ANKAR: variants seen among roughly 807,000 people sequenced by gnomAD.
ANKAR encodes ankyrin and armadillo repeat-containing protein.
A neutral mutation model predicts 146.2 loss-of-function variants in ANKAR; 136 were observed. The observed-to-expected ratio is 0.93, with a 90% CI of 0.81 to 1.07. The LOEUF (loss-of-function observed/expected upper bound fraction) is 1.07, where lower values mean the gene tolerates loss of function less well. Among genes scored for constraint, ANKAR ranks in the 50% least tolerant of loss-of-function variants. The pLI is 0.00. For synonymous variants in ANKAR, 500 were observed against 575.8 expected (o/e 0.87, Z 1.88); for missense variants, 1,567 against 1,679.9 (o/e 0.93, Z 1.18).
intron 8 of ANKAR, among the ~76,000 whole-genome samples, chr2:189,706,148 CA>C (rs1248465475): frequency 6.6e-6 from 1 of 151,916 alleles, no homozygotes; most frequent in Non-Finnish European, 1.5e-5. Context: ...GTAATTCCAG[CA>C]CTTTGGGAGG....
chr2:189,732,436 C>T lies in ANKAR; in HGVS notation c.3301-671C>T, dbSNP rs75649511. ...CAGCACTTTAGGAGGACAAAGCAGG[C>T]GGATCATGAGGTCAGGAGTTCGAGG... On this transcript the variant is annotated intron_variant, in intron 16 of 22. Coordinates refer to ENST00000684021, the MANE Select transcript of ANKAR (RefSeq NM_001378068.1). 5.3e-5 allele frequency among the ~76,000 whole-genome samples: 8 copies of T among 152,062 alleles called. No homozygotes were observed. In the East Asian group the frequency reaches 5.8e-4, roughly 11 times the overall value.
At chr2:189,705,481 G>A (rs1413730515) in intron 8 of ANKAR, among the ~76,000 whole-genome samples, 1 of 152,172 alleles carries the variant, frequency 6.6e-6, no homozygotes, top group African/African-American at 2.4e-5. Context: ...ACCTATGCAT[G>A]TTTTCTGGAA....
At chr2:189,705,918 G>A (rs2038868984) in intron 8 of ANKAR, among the ~76,000 whole-genome samples, 1 of 151,904 alleles carries the variant, frequency 6.6e-6, no homozygotes, top group Admixed American at 6.6e-5. Flanking sequence ...TTTCATTCAA[G>A]TTTTTCTAGG....
At chr2:189,750,596 T>C (rs1010244113), downstream of ANKAR, 5 of 1,584,096 alleles carry the variant, frequency 3.2e-6, no homozygotes, top group Non-Finnish European at 3.4e-6. Flanking sequence ...CCATTTTTAA[T>C]TGTGGTACTT....
intron 2 of ANKAR, among the ~76,000 whole-genome samples, chr2:189,683,819 A>G (rs2035113797): frequency 6.6e-6 from 1 of 152,248 alleles, no homozygotes; most frequent in Non-Finnish European, 1.5e-5. Flanking sequence ...GCTACAGTGG[A>G]TTTCCAAGGA....
At chr2:189,680,683 G>A (rs946360099) in intron 2 of ANKAR, among the ~76,000 whole-genome samples, 7 of 151,904 alleles carry the variant, frequency 4.6e-5, no homozygotes, top group Non-Finnish European at 1.0e-4. Flanking sequence ...TGATTTCATT[G>A]TTGACCCAAA....
rs180966522 is a variant in ANKAR at position 189,732,604 on chromosome 2, T to C, written c.3301-503T>C. Among the ~76,000 whole-genome samples, 903 of 134,164 alleles carry C rather than the reference T, an allele frequency of 6.7e-3. 17 individuals are homozygous for C. The highest frequency in any genetic ancestry group is 0.024 in the African/African-American group (841 of 34,880). The allele number at this position is 134,164 out of a possible 152,430, so 88.0% of individuals were successfully genotyped here. On this transcript the variant is annotated intron_variant, in intron 16 of 22. Transcript: ENST00000684021. ...TGAACCCAGGAGGTGGAGGTTGCAG[T>C]GAGCTAAGATCATGCCATTGTACTC...
chr2:189,753,068 A>G (rs2045531223), intron 18 of ANKAR: 2 of 1,201,148 alleles, frequency 1.7e-6, no homozygotes, highest in Non-Finnish European at 2.3e-6. Context: ...TCAGCATTAA[A>G]CAATAATAAA....
chr2:189,737,091 GA>G (rs1244536937), intron 17 of ANKAR, among the ~76,000 whole-genome samples: 2 of 137,918 alleles, frequency 1.5e-5, no homozygotes, highest in East Asian at 2.1e-4. Context: ...AAAAGAAAAA[GA>G]AAAAAAAAGA....
At chr2:189,682,349 A>AT (rs2034846322) in intron 2 of ANKAR, among the ~76,000 whole-genome samples, 1 of 152,070 alleles carries the variant, frequency 6.6e-6, no homozygotes, top group Non-Finnish European at 1.5e-5. Flanking sequence ...TAGTAGAAAT[A>AT]TTTTTTTCTC....
intron 2 of ANKAR, among the ~76,000 whole-genome samples, chr2:189,683,166 C>T (rs2105759861): frequency 6.6e-6 from 1 of 152,316 alleles, no homozygotes; most frequent in Admixed American, 6.5e-5. Context: ...TCTTGGATAT[C>T]CCAGCCTTTA....
rs1385877802 is a variant in ANKAR at position 189,743,455 on chromosome 2, G to A, written c.3991G>A (p.Val1331Met). The change falls in exon 21 of 23, where the codon GTG (valine) becomes ATG (methionine). Residue 1331 changes from valine to methionine, a missense_variant. Coordinates refer to ENST00000684021, the MANE Select transcript of ANKAR (RefSeq NM_001378068.1). ...GGAATTTCAAATGCAACAAACACTG[G>A]TGGGACTTCCTTCCTTAAGGTATGG... is the stretch of plus-strand genomic sequence containing the variant. The part of the protein sequence containing the change: ...LKEFQMQQTL[V>M]GLPSLSLEKN... The A allele has an allele frequency of 6.2e-7, 1 of 1,613,630 alleles. No individual in the cohort carries two copies. The highest frequency in any genetic ancestry group is 1.7e-4 in the Middle Eastern group (1 of 5,986).
At position 189,689,797 on chromosome 2, in the gene ANKAR, G is replaced by T. The variant is rs1559065778; in HGVS notation, c.872G>T (p.Arg291Ile). The stretch of plus-strand genomic sequence containing the variant: ...TGTACCTACCAGAGACTACAGCAAA[G>T]ATTATATCTTCAAAAAAAGATTATT... Reference protein sequence around the residue: ...DICTYQRLQQRLYLQKKIIQK... With the variant: ...DICTYQRLQQILYLQKKIIQK... Residue 291 changes from arginine to isoleucine, a missense_variant, in exon 3 of 23, where the codon AGA (arginine) becomes ATA (isoleucine). Coordinates refer to ENST00000684021, the MANE Select transcript of ANKAR (RefSeq NM_001378068.1). 6.2e-7 allele frequency: 1 copy of T among 1,606,286 alleles called. No individual in the cohort carries two copies. The highest frequency in any genetic ancestry group is 8.5e-7 in the Non-Finnish European group (1 of 1,177,240).
Position 189,705,068 on chromosome 2 carries a change from C to T in ANKAR, c.1754C>T (p.Thr585Ile). ...HLAAQACSLE[T>I]TVCLLCSKAD... The stretch of plus-strand genomic sequence containing the variant: ...GCTGCACAGGCTTGCTCATTAGAAA[C>T]AACAGTTTGTCTACTGTGTTCCAAA... The change falls in exon 8 of 23, where the codon ACA becomes ATA. Residue 585 changes from threonine (T) to isoleucine (I), a missense_variant. Thr to Ile is a moderately conservative substitution (Grantham distance 89). Transcript: ENST00000684021. The T allele has an allele frequency of 3.1e-6, 5 of 1,614,038 alleles. No homozygotes were observed. Among genetic ancestry groups the T allele is most frequent in the Non-Finnish European group, 4.2e-6 (5 of 1,179,996 alleles).
At chr2:189,746,733 A>G (rs2254167), downstream of ANKAR, 1,215,166 of 1,220,090 alleles carry the variant, frequency 1, 605,265 homozygotes, top group East Asian at 1. Context: ...TTTTTGAATG[A>G]AAGTTCTTGA....
intron 9 of ANKAR, among the ~76,000 whole-genome samples, chr2:189,710,151 T>C (rs1307836202): frequency 1.3e-5 from 2 of 152,200 alleles, no homozygotes; most frequent in South Asian, 2.1e-4. Flanking sequence ...CGGAATGATA[T>C]AGCCAAGCTA....
Position 189,728,830 on chromosome 2 carries a change from A to G in ANKAR, c.3193+9A>G, listed in dbSNP as rs761275791. On this transcript the variant is annotated intron_variant, in intron 15 of 22. Coordinates refer to ENST00000684021, the MANE Select transcript of ANKAR (RefSeq NM_001378068.1). ...GGGATCCATTTGTATTGGTTTGTAT[A>G]CTTATTCTCAATTTCTTAAATATCT... The G allele has an allele frequency of 1.9e-6, 3 of 1,601,124 alleles. No homozygotes were observed. The highest frequency in any genetic ancestry group is 3.3e-4 in the Middle Eastern group (2 of 5,986).
At chr2:189,749,907 A>T (rs1225077), downstream of ANKAR, among the ~76,000 whole-genome samples, 3 of 151,986 alleles carry the variant, frequency 2.0e-5, no homozygotes, top group Admixed American at 6.6e-5. Context: ...AGATTGCCTG[A>T]GCTCAGGAGT....
intron 2 of ANKAR, 25 bp downstream of exon 2, chr2:189,677,116 ATT>A (rs61285192): frequency 0.067 from 81,188 of 1,220,640 alleles, 7 homozygotes; most frequent in East Asian, 0.11. Flanking sequence ...CACTTCTTAA[ATT>A]TTTTTTTTTT....
Sources: allele counts gnomAD v4.1 joint callset (sites outside exome capture counted in the v4.1 genomes callset), GRCh38; gene constraint gnomAD v4.1.1; transcripts MANE v1.5; gene names NCBI Gene and HGNC (gene_info 2026-07-23, HGNC 2026-07-21).